SUMF1: variants seen among roughly 807,000 people sequenced by gnomAD.
SUMF1 encodes the protein sulfatase modifying factor 1.
SUMF1 carries 48 observed loss-of-function variants against 47.6 expected under a neutral mutation model. The ratio of observed to expected loss-of-function variants is 1.01; its 90% confidence interval spans 0.80 to 1.28. The LOEUF (loss-of-function observed/expected upper bound fraction) is 1.28. SUMF1 is among the 50% of genes most tolerant of loss of function. SUMF1 has a pLI of 0.00. For synonymous variants in SUMF1, 230 were observed against 192.1 expected (o/e 1.20, Z -1.63); for missense variants, 571 against 485.4 (o/e 1.18, Z -1.66).
chr3:4,278,983 A>G (rs1206611391), intron 8 of SUMF1, among the ~76,000 whole-genome samples: 1 of 152,164 alleles, frequency 6.6e-6, no homozygotes, highest in Non-Finnish European at 1.5e-5. Flanking sequence ...TGTAGTTTGT[A>G]TGCATTTCTA....
chr3:4,137,681 C>T (rs13320131), intron 8 of SUMF1, among the ~76,000 whole-genome samples: 1 of 152,004 alleles, frequency 6.6e-6, no homozygotes, highest in Non-Finnish European at 1.5e-5. Context: ...TAAAGGGAAT[C>T]TACAAAAATT....
intron 8 of SUMF1, among the ~76,000 whole-genome samples, chr3:4,253,971 C>T (rs1263519429): frequency 1.1e-4 from 17 of 150,840 alleles, no homozygotes; most frequent in Non-Finnish European, 2.5e-4. Context: ...CCCCGAGCAG[C>T]CTAACTGGGA....
At chr3:4,407,974 C>G (rs1472131088) in intron 7 of SUMF1, among the ~76,000 whole-genome samples, 1 of 152,208 alleles carries the variant, frequency 6.6e-6, no homozygotes, top group Non-Finnish European at 1.5e-5. Context: ...TGCTTCAAAT[C>G]ATCTCAATTC....
At chr3:4,214,719 C>T (rs891217639) in intron 8 of SUMF1, among the ~76,000 whole-genome samples, 2 of 151,992 alleles carry the variant, frequency 1.3e-5, no homozygotes, top group African/African-American at 4.8e-5. Flanking sequence ...GGGATATTAC[C>T]ACTGATCCCA....
At chr3:4,319,270 G>A (rs887369877) in intron 8 of SUMF1, among the ~76,000 whole-genome samples, 3 of 152,150 alleles carry the variant, frequency 2.0e-5, no homozygotes, top group Non-Finnish European at 4.4e-5. Context: ...AAATGACAGG[G>A]GGTTCAGTCC....
chr3:4,158,740 T>G (rs948697260), intron 8 of SUMF1, among the ~76,000 whole-genome samples: 2 of 151,646 alleles, frequency 1.3e-5, no homozygotes, highest in East Asian at 3.8e-4. Flanking sequence ...AAAGATCTTC[T>G]TTGTCTCTTT....
chr3:4,290,815 T>C (rs757747115), intron 8 of SUMF1, among the ~76,000 whole-genome samples: 33 of 152,200 alleles, frequency 2.2e-4, no homozygotes, highest in Non-Finnish European at 4.3e-4. Context: ...AGTTCATACC[T>C]ACTCTCATCA....
intron 8 of SUMF1, among the ~76,000 whole-genome samples, chr3:4,298,948 G>T (rs1302638567): frequency 1.3e-5 from 2 of 151,996 alleles, no homozygotes; most frequent in South Asian, 4.2e-4. Flanking sequence ...CTTCCACCTG[G>T]AATGCCTAAA....
At chr3:4,213,434 A>G (rs758640259) in intron 8 of SUMF1, among the ~76,000 whole-genome samples, 5 of 152,206 alleles carry the variant, frequency 3.3e-5, no homozygotes, top group African/African-American at 4.8e-5. Flanking sequence ...GAAAGGAACA[A>G]CCAGTTCCAG....
intron 8 of SUMF1, among the ~76,000 whole-genome samples, chr3:4,277,482 G>A (rs1364109328): frequency 6.6e-6 from 1 of 152,078 alleles, no homozygotes; most frequent in Non-Finnish European, 1.5e-5. Flanking sequence ...ATCACATAGA[G>A]AGATCCAGAC....
chr3:4,272,561 G>A (rs1033215425), intron 8 of SUMF1, among the ~76,000 whole-genome samples: 10 of 152,082 alleles, frequency 6.6e-5, no homozygotes, highest in Non-Finnish European at 1.3e-4. Flanking sequence ...ACCTGGAAGC[G>A]GGAGGAGCAG....
At chr3:4,325,608 T>TAC (rs139250144) in intron 8 of SUMF1, among the ~76,000 whole-genome samples, 17,391 of 149,264 alleles carry the variant, frequency 0.12, 2,884 homozygotes, top group African/African-American at 0.37. Flanking sequence ...TATATATGTG[T>TAC]ACACACACAC....
chr3:4,405,775 C>G (rs1347591912), intron 7 of SUMF1, among the ~76,000 whole-genome samples: 1 of 152,192 alleles, frequency 6.6e-6, no homozygotes, highest in Non-Finnish European at 1.5e-5. Flanking sequence ...ATCTATTAGA[C>G]AATCAAATTC....
chr3:4,415,547 T>G (rs1403913130), intron 6 of SUMF1, among the ~76,000 whole-genome samples: 4 of 152,124 alleles, frequency 2.6e-5, no homozygotes, highest in Non-Finnish European at 4.4e-5. Flanking sequence ...GTGCGGTGGC[T>G]CATGCCTATA....
intron 8 of SUMF1, among the ~76,000 whole-genome samples, chr3:4,074,028 G>C (rs1217972767): frequency 6.8e-6 from 1 of 147,546 alleles, no homozygotes; most frequent in Non-Finnish European, 1.5e-5. Flanking sequence ...CAAATCAACA[G>C]AATATACATT....
At chr3:4,345,542 T>C (rs1299881158) in intron 8 of SUMF1, among the ~76,000 whole-genome samples, 1 of 152,044 alleles carries the variant, frequency 6.6e-6, no homozygotes, top group Non-Finnish European at 1.5e-5. Context: ...AAGCATTAAA[T>C]ATGGAAAAGA....
downstream of SUMF1, among the ~76,000 whole-genome samples, chr3:4,357,052 G>A: frequency 6.6e-6 from 1 of 152,096 alleles, no homozygotes; most frequent in Non-Finnish European, 1.5e-5. Context: ...GTCGACTGAT[G>A]GAGAAATCTA....
At chr3:4,248,921 A>T (rs917232838) in intron 8 of SUMF1, among the ~76,000 whole-genome samples, 2 of 152,196 alleles carry the variant, frequency 1.3e-5, no homozygotes, top group Non-Finnish European at 2.9e-5. Context: ...TGACTCAAAG[A>T]GCCCTGACAT....
At chr3:4,256,619 A>T (rs1469968646) in intron 8 of SUMF1, among the ~76,000 whole-genome samples, 1 of 150,962 alleles carries the variant, frequency 6.6e-6, no homozygotes, top group African/African-American at 2.4e-5. Flanking sequence ...TTGTGGCAAT[A>T]ATCAATAGTT....
Sources: allele counts gnomAD v4.1 joint callset (sites outside exome capture counted in the v4.1 genomes callset), GRCh38; gene constraint gnomAD v4.1.1; transcripts MANE v1.5; gene names NCBI Gene and HGNC (gene_info 2026-07-23, HGNC 2026-07-21).